NDE1: variants seen among roughly 807,000 people sequenced by gnomAD.
NDE1 encodes the protein nuclear distribution protein nudE homolog 1.
NDE1 carries 28 observed loss-of-function variants against 43.4 expected under a neutral mutation model. That is an observed-to-expected ratio of 0.65 (90% CI 0.48 to 0.89). NDE1 has a LOEUF of 0.89. Ranked by LOEUF, NDE1 falls within the 40% of genes least tolerant of loss-of-function variation. The probability of loss-of-function intolerance (pLI) is 0.00; values close to 1 mark genes in which losing one functional copy is unlikely to be tolerated. For synonymous variants in NDE1, 184 were observed against 172.0 expected, an observed-to-expected ratio of 1.07 and a Z score of -0.55; for missense variants, 441 against 434.1, an observed-to-expected ratio of 1.02 and a Z score of -0.14.
At chr16:15,703,750 A>C (rs1412195773) in intron 8 of NDE1, 1 of 543,052 alleles carries the variant, frequency 1.8e-6, no homozygotes, top group East Asian at 3.4e-5. Flanking sequence ...CACCACGCCC[A>C]GCTTATTTTT....
At chr16:15,646,932 C>A (rs2036342367), upstream of NDE1, among the ~76,000 whole-genome samples, 1 of 149,664 alleles carries the variant, frequency 6.7e-6, no homozygotes. Context: ...CACCTGTAAT[C>A]CCAGCTAGTC....
chr16:15,674,204 C>G (rs183968069), intron 3 of NDE1, among the ~76,000 whole-genome samples: 1 of 152,200 alleles, frequency 6.6e-6, no homozygotes, highest in East Asian at 1.9e-4. Flanking sequence ...CCTTTTCTCT[C>G]CCTTTCCCTT....
intron 5 of NDE1, 74 bp downstream of exon 5, chr16:15,687,585 TC>T: frequency 7.2e-7 from 1 of 1,396,090 alleles, no homozygotes; most frequent in Non-Finnish European, 1.0e-6. Flanking sequence ...CCACAAGCTC[TC>T]CCAGCATTAT....
intron 1 of NDE1, among the ~76,000 whole-genome samples, chr16:15,655,772 A>T (rs1248141156): frequency 6.6e-6 from 1 of 152,064 alleles, no homozygotes; most frequent in Non-Finnish European, 1.5e-5. Context: ...AACGTGGCAC[A>T]TATACACCAT....
Position 15,667,443 on chromosome 16 carries a change from A to AG in NDE1, c.237+8dup. 21 of 1,613,616 alleles carry AG rather than the reference A, an allele frequency of 1.3e-5. No homozygotes were observed. Among genetic ancestry groups the AG allele is most frequent in the Non-Finnish European group, 1.7e-5 (20 of 1,179,828 alleles). On this transcript the variant is annotated splice_donor_region_variant and intron_variant, in intron 3 of 8. Transcript: ENST00000396354. ...CATGGAGCTGGAAACCATCAAGGTG[A>AG]GGGGCTGAGAGGAAGTGTGCTCAGG...
In NDE1 at chr16:15,724,761, C is replaced by A. The variant is rs1414322836; in HGVS notation, c.*510C>A. 2 of 1,614,072 alleles carry A rather than the reference C, an allele frequency of 1.2e-6. No individual in the cohort carries two copies. The highest frequency in any genetic ancestry group is 2.7e-5 in the African/African-American group (2 of 74,922). On this transcript the variant is annotated 3_prime_UTR_variant, in exon 9 of 9. Coordinates refer to ENST00000396354, the MANE Select transcript of NDE1 (RefSeq NM_017668.3). ...CCTCCAGCTGGCGCAGCTTCGTAGA[C>A]ACGTTGAGCTTCTGCCGGGTTTCTT...
At chr16:15,712,218 A>G (rs1370184921) in intron 8 of NDE1, among the ~76,000 whole-genome samples, 5 of 152,270 alleles carry the variant, frequency 3.3e-5, no homozygotes, top group African/African-American at 1.2e-4. Context: ...TTAGACATCC[A>G]TGTGGGAACG....
At chr16:15,708,892 G>T (rs915677973) in intron 8 of NDE1, 10 of 1,528,126 alleles carry the variant, frequency 6.5e-6, no homozygotes, top group Non-Finnish European at 9.0e-6. Context: ...ACAAGAAGGA[G>T]CCCGGTTAAG....
intron 1 of NDE1, among the ~76,000 whole-genome samples, chr16:15,644,449 C>T (rs2036258655): frequency 6.6e-6 from 1 of 152,170 alleles, no homozygotes; most frequent in South Asian, 2.1e-4. Context: ...AGCACACATC[C>T]TCTCCCTGCG....
At chr16:15,694,792 C>G (rs934978415) in intron 7 of NDE1, 70 of 985,262 alleles carry the variant, frequency 7.1e-5, no homozygotes, top group Non-Finnish European at 7.7e-5. Context: ...TGTCTCTTTC[C>G]TTTTACCGTT....
At chr16:15,723,349 TATAA>T (rs1472113748) in intron 8 of NDE1, among the ~76,000 whole-genome samples, 1 of 152,110 alleles carries the variant, frequency 6.6e-6, no homozygotes, top group Non-Finnish European at 1.5e-5. Flanking sequence ...AATTAGTCTT[TATAA>T]ATAAATATGT....
At chr16:15,720,336 G>C in intron 8 of NDE1, 4 of 1,609,828 alleles carry the variant, frequency 2.5e-6, no homozygotes, top group Non-Finnish European at 3.4e-6. Context: ...AGAGATGTGT[G>C]CTGCCCCACT....
upstream of NDE1, among the ~76,000 whole-genome samples, chr16:15,648,540 A>G (rs552682484): frequency 3.9e-5 from 6 of 152,234 alleles, no homozygotes; most frequent in African/African-American, 9.6e-5. Flanking sequence ...TCTGAGTTAC[A>G]TGGCTCACGC....
chr16:15,653,587 TTC>T, intron 1 of NDE1, among the ~76,000 whole-genome samples: 1 of 152,284 alleles, frequency 6.6e-6, no homozygotes, highest in African/African-American at 2.4e-5. Flanking sequence ...GCTGGGTTTC[TTC>T]TCTCAGAGGA....
In NDE1 at chr16:15,674,114, G is replaced by A. The variant is rs546460869; in HGVS notation, c.238-3687G>A. ...TGTAATGGATGTTATTGCTGCAGCT[G>A]GCAACAGGGAATCATTGAGAAGTGC... is the stretch of plus-strand genomic sequence containing the variant. On this transcript the variant is annotated intron_variant, in intron 3 of 8. Coordinates refer to ENST00000396354, the MANE Select transcript of NDE1 (RefSeq NM_017668.3). 1.4e-4 allele frequency among the ~76,000 whole-genome samples: 21 copies of A among 152,238 alleles called. No homozygotes were observed. The East Asian group carries it at 3.9e-3, about 28-fold the overall frequency.
chr16:15,687,951 G>A (rs2038524436), intron 5 of NDE1, among the ~76,000 whole-genome samples: 1 of 152,120 alleles, frequency 6.6e-6, no homozygotes, highest in African/African-American at 2.4e-5. Flanking sequence ...GGAGGCCGAG[G>A]ATCTCTTGAG....
chr16:15,659,423 ATC>A (rs2036932286), intron 1 of NDE1, among the ~76,000 whole-genome samples: 2 of 105,676 alleles, frequency 1.9e-5, no homozygotes, highest in African/African-American at 7.8e-5. Flanking sequence ...CTTGCACACA[ATC>A]TTTTTTTTTT....
intron 3 of NDE1, among the ~76,000 whole-genome samples, chr16:15,671,796 T>A (rs1435366161): frequency 6.6e-6 from 1 of 152,008 alleles, no homozygotes; most frequent in East Asian, 1.9e-4. Context: ...GCTTAAGTGA[T>A]CCTCCCACCT....
chr16:15,651,733 C>G (rs1000167083), intron 1 of NDE1: 6 of 152,112 alleles, frequency 3.9e-5, no homozygotes, highest in Admixed American at 3.9e-4. Flanking sequence ...AGCCACCGTG[C>G]CGGCCTACAA....
Sources: allele counts gnomAD v4.1 joint callset (sites outside exome capture counted in the v4.1 genomes callset), GRCh38; gene constraint gnomAD v4.1.1; transcripts MANE v1.5; gene names NCBI Gene and HGNC (gene_info 2026-07-23, HGNC 2026-07-21).